The following MAP2K1 variants were observed in gnomAD, a reference collection of about 807,000 sequenced individuals.
The protein encoded by MAP2K1 is mitogen-activated protein kinase kinase 1.
Under a neutral mutation model 46.3 loss-of-function variants are expected in MAP2K1, and 16 were observed. The ratio of observed to expected loss-of-function variants is 0.35; its 90% CI spans 0.23 to 0.52. The LOEUF (loss-of-function observed/expected upper bound fraction) is 0.52. MAP2K1 is among the 20% of genes least tolerant of loss of function. The pLI is 0.94. For missense variants in MAP2K1, 263 were observed against 497.1 expected, an observed-to-expected ratio of 0.53 and a Z score of 4.48; for synonymous variants, 183 against 185.6, an observed-to-expected ratio of 0.99 and a Z score of 0.11.
At chr15:66,392,255 G>GTTTTTTTTTTTTTTTTTTTTTTTTTT (rs58831070) in intron 1 of MAP2K1, among the ~76,000 whole-genome samples, 4 of 97,758 alleles carry the variant, frequency 4.1e-5, no homozygotes, top group African/African-American at 1.8e-4. Context: ...TTTTTTTTGG[G>GTTTTTTTTTTTTTTTTTTTTTTTTTT]TTTTTTTTTT....
At chr15:66,487,570 C>T (rs1243152693) in intron 8 of MAP2K1, among the ~76,000 whole-genome samples, 5 of 151,936 alleles carry the variant, frequency 3.3e-5, no homozygotes, top group African/African-American at 1.2e-4. Flanking sequence ...ACCTGGGAGG[C>T]GGAGGTTGAC....
At chr15:66,429,296 G>A (rs1359916451) in intron 1 of MAP2K1, among the ~76,000 whole-genome samples, 2 of 152,140 alleles carry the variant, frequency 1.3e-5, no homozygotes, top group African/African-American at 4.8e-5. Flanking sequence ...AGAAGTGCCA[G>A]TAGGGGAAAT....
chr15:66,476,664 A>G (rs4075493), intron 5 of MAP2K1, among the ~76,000 whole-genome samples: 22,501 of 152,216 alleles, frequency 0.15, 2,790 homozygotes, highest in African/African-American at 0.34. Context: ...ATGGAAAGGC[A>G]GGCAGAGGGG....
intron 1 of MAP2K1, among the ~76,000 whole-genome samples, chr15:66,422,066 G>A (rs2093445065): frequency 6.6e-6 from 1 of 152,028 alleles, no homozygotes; most frequent in Non-Finnish European, 1.5e-5. Context: ...AGTTGGTGGT[G>A]AAACCATAAA....
chr15:66,414,898 G>C (rs1306687772), intron 1 of MAP2K1: 7 of 342,232 alleles, frequency 2.0e-5, no homozygotes, highest in South Asian at 1.2e-4. Flanking sequence ...GGGCCAAGAA[G>C]GTCATGGCGG....
At chr15:66,480,874 A>G (rs1892897042) in intron 5 of MAP2K1, among the ~76,000 whole-genome samples, 1 of 152,150 alleles carries the variant, frequency 6.6e-6, no homozygotes, top group African/African-American at 2.4e-5. Context: ...TGGTTTGCTC[A>G]CCTATAAATG....
At chr15:66,436,345 G>A (rs1042239787) in intron 2 of MAP2K1, among the ~76,000 whole-genome samples, 5 of 152,172 alleles carry the variant, frequency 3.3e-5, no homozygotes, top group African/African-American at 1.2e-4. Flanking sequence ...ACCACATCAG[G>A]CTCCTGAGCT....
At chr15:66,421,160 G>T (rs2093442527) in intron 1 of MAP2K1, among the ~76,000 whole-genome samples, 1 of 149,652 alleles carries the variant, frequency 6.7e-6, no homozygotes, top group Admixed American at 6.7e-5. Flanking sequence ...TTCTGAAACA[G>T]GGTCTCACTT....
intron 5 of MAP2K1, among the ~76,000 whole-genome samples, chr15:66,467,529 A>C (rs1298019983): frequency 6.6e-6 from 1 of 152,172 alleles, no homozygotes; most frequent in Non-Finnish European, 1.5e-5. Flanking sequence ...TTTTCACTAA[A>C]CCAATGTCAG....
At chr15:66,458,712 G>C (rs540979675) in intron 5 of MAP2K1, among the ~76,000 whole-genome samples, 1 of 152,024 alleles carries the variant, frequency 6.6e-6, no homozygotes, top group Non-Finnish European at 1.5e-5. Context: ...CTAGAGATGC[G>C]GTCTCTCTCT....
At chr15:66,397,318 T>C (rs2093370552) in intron 1 of MAP2K1, among the ~76,000 whole-genome samples, 1 of 152,146 alleles carries the variant, frequency 6.6e-6, no homozygotes, top group African/African-American at 2.4e-5. Flanking sequence ...CACTTCTTAA[T>C]GGTGTGACCT....
intron 1 of MAP2K1, among the ~76,000 whole-genome samples, chr15:66,400,518 G>A (rs1402811733): frequency 6.6e-6 from 1 of 152,180 alleles, no homozygotes; most frequent in African/African-American, 2.4e-5. Flanking sequence ...TAGGGTTCCA[G>A]CTTTGTTTCT....
At chr15:66,425,218 C>G (rs1032870911) in intron 1 of MAP2K1, among the ~76,000 whole-genome samples, 11 of 152,116 alleles carry the variant, frequency 7.2e-5, no homozygotes, top group Non-Finnish European at 1.5e-4. Context: ...AGGTCTTGGG[C>G]AGGAGAAAGT....
chr15:66,438,433 G>A (rs948984490), intron 3 of MAP2K1, among the ~76,000 whole-genome samples: 7 of 152,202 alleles, frequency 4.6e-5, no homozygotes, highest in African/African-American at 1.7e-4. Flanking sequence ...ATACTAGGAG[G>A]CTTCTTCATT....
At chr15:66,487,348 C>T (rs1893067567) in intron 8 of MAP2K1, 56 bp downstream of exon 8, 2 of 1,544,260 alleles carry the variant, frequency 1.3e-6, no homozygotes, top group Non-Finnish European at 1.8e-6. Context: ...CTTAAGAAAA[C>T]ACCCAGGTGG....
chr15:66,406,429 ATG>A (rs1184678784), intron 1 of MAP2K1, among the ~76,000 whole-genome samples: 3 of 152,286 alleles, frequency 2.0e-5, no homozygotes, highest in African/African-American at 7.2e-5. Flanking sequence ...TCTGAAGTGT[ATG>A]TGTGTTTGGA....
chr15:66,487,336 A>G, intron 8 of MAP2K1, 44 bp downstream of exon 8: 2 of 1,588,728 alleles, frequency 1.3e-6, no homozygotes, highest in Non-Finnish European at 1.7e-6. Flanking sequence ...TTACTTGCTC[A>G]TCTTAAGAAA....
At chr15:66,447,380 G>T (rs928399117) in intron 5 of MAP2K1, among the ~76,000 whole-genome samples, 4 of 152,010 alleles carry the variant, frequency 2.6e-5, no homozygotes, top group African/African-American at 9.7e-5. Flanking sequence ...TAGGGCACAG[G>T]GACCTGAAAA....
chr15:66,449,138 A>G (rs1306489375), intron 5 of MAP2K1, among the ~76,000 whole-genome samples: 1 of 152,206 alleles, frequency 6.6e-6, no homozygotes, highest in Non-Finnish European at 1.5e-5. Context: ...CATTTACCTA[A>G]GATAAATGAA....
Sources: allele counts gnomAD v4.1 joint callset (sites outside exome capture counted in the v4.1 genomes callset), GRCh38; gene constraint gnomAD v4.1.1; transcripts MANE v1.5; gene names NCBI Gene and HGNC (gene_info 2026-07-23, HGNC 2026-07-21).